The following ADAD1 variants were observed in gnomAD, a reference collection of about 807,000 sequenced individuals.
ADAD1 encodes adenosine deaminase domain-containing protein 1.
ADAD1 carries 46 observed loss-of-function variants against 66.8 expected under a neutral mutation model. The ratio of observed to expected loss-of-function variants is 0.69; its 90% CI spans 0.54 to 0.88. The LOEUF (loss-of-function observed/expected upper bound fraction) is 0.88. Ranked by LOEUF, ADAD1 falls within the 40% of genes least tolerant of loss-of-function variation. ADAD1 has a pLI of 0.00. For missense variants in ADAD1, 617 were observed against 681.8 expected (o/e 0.91, Z 1.06); for synonymous variants, 248 against 229.4 (o/e 1.08, Z -0.73).
intron 10 of ADAD1, among the ~76,000 whole-genome samples, chr4:122,414,800 A>G (rs1298173663): frequency 6.6e-6 from 1 of 152,126 alleles, no homozygotes; most frequent in African/African-American, 2.4e-5. Flanking sequence ...TAGTAGTAAC[A>G]TTGCATCTTT....
chr4:122,427,825 G>A lies in ADAD1; in HGVS notation c.1618-1801G>A, dbSNP rs188191440. Among the ~76,000 whole-genome samples, 481 of 151,964 alleles carry A rather than the reference G, an allele frequency of 3.2e-3. 2 individuals carry two copies. Among genetic ancestry groups the A allele is most frequent in the Admixed American group, 4.7e-3 (71 of 15,260 alleles). On this transcript the variant is annotated intron_variant, in intron 12 of 12. Coordinates refer to ENST00000296513, the MANE Select transcript of ADAD1 (RefSeq NM_139243.4). ...ACAGGTGTAAGCCACCACACCCAGC[G>A]CAATCCAAAGGCCATTTAAGAACCA...
chr4:122,391,680 A>C (rs1435465889), intron 5 of ADAD1, among the ~76,000 whole-genome samples: 1 of 152,150 alleles, frequency 6.6e-6, no homozygotes, highest in Admixed American at 6.5e-5. Flanking sequence ...CTGTGGGGAT[A>C]AGTCTTGGGA....
intron 5 of ADAD1, among the ~76,000 whole-genome samples, chr4:122,384,834 C>T (rs1795084774): frequency 6.6e-6 from 1 of 152,146 alleles, no homozygotes; most frequent in Non-Finnish European, 1.5e-5. Flanking sequence ...ACCATGTCTG[C>T]TGCCACTACT....
chr4:122,381,099 G>A lies in ADAD1; in HGVS notation c.280G>A (p.Glu94Lys). The change falls in exon 4 of 13, where the codon GAG becomes AAG. Residue 94 changes from glutamate (E) to lysine (K), a missense_variant. Coordinates refer to ENST00000296513, the MANE Select transcript of ADAD1 (RefSeq NM_139243.4). Reference sequence around the variant, plus strand: ...ATTTATAATGAAATACAAACGTGGAGAGATAAATCCTGTGTCAGCCTTGCA... The same window carrying A: ...ATTTATAATGAAATACAAACGTGGAAAGATAAATCCTGTGTCAGCCTTGCA... The part of the protein sequence containing the change: ...KEFIMKYKRG[E>K]INPVSALHQF... 1.2e-6 allele frequency: 2 copies of A among 1,606,888 alleles called. No homozygotes were observed. The highest frequency in any genetic ancestry group is 8.5e-7 in the Non-Finnish European group (1 of 1,178,704).
In ADAD1 at chr4:122,380,470, C is replaced by G. The variant is rs45493291; in HGVS notation, c.172+229C>G. 759 of 518,444 alleles carry G rather than the reference C, an allele frequency of 1.5e-3. 7 individuals carry two copies. The highest frequency in any genetic ancestry group is 8.7e-3 in the South Asian group (293 of 33,762). The allele number at this position is 518,444 out of a possible 1,614,324, so 32.1% of individuals were successfully genotyped here. On this transcript the variant is annotated intron_variant, in intron 3 of 12. Transcript: ENST00000296513. ...ACCACCTTGACTGTTCAAACCCCCC[C>G]CTTCAAGTGTGGCTTGCCTTTCTGA...
chr4:122,406,766 C>T (rs542625033), intron 7 of ADAD1, among the ~76,000 whole-genome samples: 8 of 151,904 alleles, frequency 5.3e-5, no homozygotes, highest in Non-Finnish European at 1.0e-4. Context: ...GCAGTGTGCA[C>T]GTGTTATTTC....
At chr4:122,425,667 AT>A (rs758126060) in intron 12 of ADAD1, among the ~76,000 whole-genome samples, 10 of 151,886 alleles carry the variant, frequency 6.6e-5, no homozygotes, top group Non-Finnish European at 1.5e-4. Flanking sequence ...AACTATTTAC[AT>A]TGAATTTATA....
At chr4:122,415,353 T>C in intron 10 of ADAD1, 26 bp from the exon 11 acceptor site, 1 of 1,545,862 alleles carries the variant, frequency 6.5e-7, no homozygotes, top group Non-Finnish European at 8.9e-7. Context: ...AATATTGAAC[T>C]TGAGTGTTTT....
chr4:122,417,819 TGAG>T (rs1269642279), intron 11 of ADAD1, among the ~76,000 whole-genome samples: 1 of 152,168 alleles, frequency 6.6e-6, no homozygotes, highest in Non-Finnish European at 1.5e-5. Flanking sequence ...TCTCTGATTA[TGAG>T]GAGATAAAAC....
At chr4:122,411,054 G>A (rs1178320333) in intron 8 of ADAD1, among the ~76,000 whole-genome samples, 168 bp from the exon 9 acceptor site, 1 of 152,166 alleles carries the variant, frequency 6.6e-6, no homozygotes, top group Non-Finnish European at 1.5e-5. Context: ...GAACTTTCAA[G>A]AAACTTAATT....
At chr4:122,395,554 G>A (rs532923129) in intron 6 of ADAD1, among the ~76,000 whole-genome samples, 9 of 151,936 alleles carry the variant, frequency 5.9e-5, no homozygotes, top group East Asian at 3.9e-4. Flanking sequence ...GGTGGCGCAC[G>A]CTTGTAGTCC....
Position 122,379,084 on chromosome 4 carries a change from T to C in ADAD1, c.-114T>C, listed in dbSNP as rs955083810. On this transcript the variant is annotated 5_prime_UTR_variant, in exon 1 of 13. An upstream start codon of the reference 5' UTR is lost. Coordinates refer to ENST00000296513, the MANE Select transcript of ADAD1 (RefSeq NM_139243.4). ...TCTCAGATTGCGATTGTGGATGAAA[T>C]GAGGGATTTTCTTGAAACAACCCTC... The C allele has an allele frequency of 5.3e-5, 8 of 152,322 alleles. No individual in the cohort carries two copies. Among genetic ancestry groups the C allele is most frequent in the Non-Finnish European group, 1.0e-4 (7 of 68,044 alleles). 9.4% of individuals were successfully genotyped at this position (152,322 alleles called of 1,614,324 possible).
At chr4:122,420,993 G>A (rs1466245857) in intron 11 of ADAD1, among the ~76,000 whole-genome samples, 4 of 151,890 alleles carry the variant, frequency 2.6e-5, no homozygotes, top group Non-Finnish European at 5.9e-5. Flanking sequence ...ATCATCATAG[G>A]TTAATTTTGC....
intron 7 of ADAD1, among the ~76,000 whole-genome samples, chr4:122,404,805 A>G (rs192697058): frequency 1.3e-5 from 2 of 152,058 alleles, no homozygotes; most frequent in African/African-American, 4.8e-5. Context: ...CACCAAATCT[A>G]TATACTTTCC....
In ADAD1 at chr4:122,407,943, G is replaced by T; in HGVS notation, c.760G>T (p.Glu254Ter). 1 of 1,613,736 alleles carries T rather than the reference G, an allele frequency of 6.2e-7. No homozygotes were observed. Among genetic ancestry groups the T allele is most frequent in the South Asian group, 1.1e-5 (1 of 91,060 alleles). The change falls in exon 8 of 13, where the codon GAA (glutamate) becomes TAA (stop). Residue 254 changes from glutamate to a stop codon, truncating the protein, a stop_gained. Transcript: ENST00000296513. LOFTEE classifies it high-confidence loss of function. ...TGAGGTTGTAGCTATAGGCACAGGT[G>T]AATACAATTACAGCCAGGACATTAA... is the stretch of plus-strand genomic sequence containing the variant. The part of the protein sequence containing the change: ...QHEVVAIGTG[E>*]YNYSQDIKPD...
At chr4:122,411,541 A>G (rs928782125) in intron 9 of ADAD1, 149 bp downstream of exon 9, 20 of 751,808 alleles carry the variant, frequency 2.7e-5, no homozygotes, top group African/African-American at 2.6e-4. Context: ...AGGAGACCCC[A>G]AATCCTTTTC....
chr4:122,380,430 G>C, intron 3 of ADAD1, 189 bp downstream of exon 3: 1 of 653,084 alleles, frequency 1.5e-6, no homozygotes. Flanking sequence ...TGTGCCGCTC[G>C]TTTAACCATC....
At chr4:122,394,822 G>A (rs912806505) in intron 6 of ADAD1, among the ~76,000 whole-genome samples, 5 of 152,212 alleles carry the variant, frequency 3.3e-5, no homozygotes, top group African/African-American at 1.2e-4. Flanking sequence ...GTGATAATCT[G>A]TGAGAAAGAA....
chr4:122,381,134 A>G lies in ADAD1; in HGVS notation c.315A>G (p.Ala105=), dbSNP rs1380137926. The G allele has an allele frequency of 6.3e-7, 1 of 1,592,482 alleles. No individual in the cohort carries two copies. The highest frequency in any genetic ancestry group is 1.2e-5 in the South Asian group (1 of 85,858). The change falls in exon 4 of 13, where the codon GCA becomes GCG. Residue 105 remains alanine, a synonymous_variant. Coordinates refer to ENST00000296513, the MANE Select transcript of ADAD1 (RefSeq NM_139243.4). Reference sequence around the variant, plus strand: ...CTGTGTCAGCCTTGCACCAGTTTGCACAAATGCAGCGAGTTCAGCTTGACC... The same window carrying G: ...CTGTGTCAGCCTTGCACCAGTTTGCGCAAATGCAGCGAGTTCAGCTTGACC... The part of the protein sequence containing the change: ...INPVSALHQF[A]QMQRVQLDLK...
Sources: allele counts gnomAD v4.1 joint callset (sites outside exome capture counted in the v4.1 genomes callset), GRCh38; gene constraint gnomAD v4.1.1; transcripts MANE v1.5; gene names NCBI Gene and HGNC (gene_info 2026-07-23, HGNC 2026-07-21).